The following PAWR variants were observed in gnomAD, a reference collection of about 807,000 sequenced individuals.
PAWR encodes the protein PRKC apoptosis WT1 regulator protein.
Under a neutral mutation model 32.0 loss-of-function variants are expected in PAWR, and 23 were observed. The observed-to-expected ratio is 0.72, with a 90% CI of 0.52 to 1.02. The LOEUF is 1.02. Among genes scored for constraint, PAWR ranks in the 50% least tolerant of loss-of-function variants. PAWR has a pLI of 0.00. For missense variants in PAWR, 457 were observed against 437.7 expected (o/e 1.04, Z -0.39); for synonymous variants, 226 against 187.1 (o/e 1.21, Z -1.70).
chr12:79,634,441 T>G (rs1875862032), intron 2 of PAWR, among the ~76,000 whole-genome samples: 1 of 152,144 alleles, frequency 6.6e-6, no homozygotes. Flanking sequence ...CAGTATCTCA[T>G]AATTCTCACA....
At chr12:79,657,010 T>A (rs1389735715) in intron 2 of PAWR, among the ~76,000 whole-genome samples, 1 of 152,122 alleles carries the variant, frequency 6.6e-6, no homozygotes, top group Non-Finnish European at 1.5e-5. Context: ...CTCTGTAATC[T>A]AAGTATTGAA....
chr12:79,683,634 A>G (rs1386026984), intron 2 of PAWR, among the ~76,000 whole-genome samples: 1 of 151,098 alleles, frequency 6.6e-6, no homozygotes, highest in Non-Finnish European at 1.5e-5. Context: ...CTCTGAATCA[A>G]TGTTCCCAAA....
At chr12:79,679,114 A>C (rs1473389142) in intron 2 of PAWR, among the ~76,000 whole-genome samples, 1 of 152,056 alleles carries the variant, frequency 6.6e-6, no homozygotes, top group Non-Finnish European at 1.5e-5. Flanking sequence ...TCTCCATCAT[A>C]GTTGTTATTA....
intron 2 of PAWR, among the ~76,000 whole-genome samples, chr12:79,642,231 A>G (rs1308529814): frequency 2.0e-5 from 3 of 152,218 alleles, no homozygotes; most frequent in African/African-American, 7.2e-5. Flanking sequence ...CTTGAAAGCT[A>G]TTATACTTTC....
At chr12:79,596,476 A>G in intron 5 of PAWR, 35 bp downstream of exon 5, 1 of 1,059,318 alleles carries the variant, frequency 9.4e-7, no homozygotes, top group South Asian at 1.6e-5. Flanking sequence ...ATGGTATATT[A>G]ATTTTATCAA....
intron 2 of PAWR, among the ~76,000 whole-genome samples, chr12:79,662,489 G>T (rs919070927): frequency 1.3e-5 from 2 of 152,084 alleles, no homozygotes; most frequent in Admixed American, 1.3e-4. Flanking sequence ...TACTGTATGA[G>T]GAAATCTAGA....
At chr12:79,611,050 A>G (rs1458418797) in intron 4 of PAWR, among the ~76,000 whole-genome samples, 1 of 150,162 alleles carries the variant, frequency 6.7e-6, no homozygotes. Context: ...TAAGTATTTA[A>G]TTCATAATTT....
chr12:79,619,217 CCA>C (rs1200715621), intron 3 of PAWR, among the ~76,000 whole-genome samples: 1 of 152,132 alleles, frequency 6.6e-6, no homozygotes, highest in African/African-American at 2.4e-5. Flanking sequence ...TAAAATGTAA[CCA>C]CAGTGTCTAT....
chr12:79,667,786 T>G (rs1351327074), intron 2 of PAWR, among the ~76,000 whole-genome samples: 2 of 152,132 alleles, frequency 1.3e-5, no homozygotes, highest in Admixed American at 6.6e-5. Flanking sequence ...CAATAAAAAT[T>G]GGAGGAAATC....
intron 2 of PAWR, among the ~76,000 whole-genome samples, chr12:79,621,646 C>G (rs1231557493): frequency 2.0e-5 from 3 of 151,910 alleles, no homozygotes; most frequent in Non-Finnish European, 4.4e-5. Context: ...CAGTTTCTAG[C>G]TTTATATTCT....
chr12:79,616,335 C>T (rs970568316), intron 3 of PAWR, among the ~76,000 whole-genome samples: 2 of 151,982 alleles, frequency 1.3e-5, no homozygotes, highest in Non-Finnish European at 2.9e-5. Flanking sequence ...GCCCAGATTG[C>T]CTTTTACTGA....
In PAWR at chr12:79,641,717, T is replaced by C. The variant is rs374294312; in HGVS notation, c.517-20510A>G. On this transcript the variant is annotated intron_variant, in intron 2 of 6. Coordinates refer to ENST00000328827, the MANE Select transcript of PAWR (RefSeq NM_002583.4). ...CAAAACTTAGCTGGGCGTAGTGGCA[T>C]GTTCCTGTAATCCCAGCTTCTTGGG... 7.9e-5 allele frequency among the ~76,000 whole-genome samples: 12 copies of C among 151,726 alleles called. 1 individual carries two copies. Among genetic ancestry groups the C allele is most frequent in the Admixed American group, 4.6e-4 (7 of 15,214 alleles).
rs189118315 is a variant in PAWR, at chr12:79,628,735, G to A, written c.517-7528C>T. Reference sequence around the variant, plus strand: ...AGAACATCCAAAATGGTCAATACATGAATAAATATAAGAAACTGTTATTTC... The same window carrying A: ...AGAACATCCAAAATGGTCAATACATAAATAAATATAAGAAACTGTTATTTC... On this transcript the variant is annotated intron_variant, in intron 2 of 6. Transcript: ENST00000328827. 4.9e-3 allele frequency among the ~76,000 whole-genome samples: 739 copies of A among 152,154 alleles called. 7 individuals carry two copies. The highest frequency in any genetic ancestry group is 0.017 in the African/African-American group (702 of 41,532).
intron 2 of PAWR, among the ~76,000 whole-genome samples, chr12:79,636,419 T>TA (rs1477118615): frequency 3.3e-5 from 5 of 152,110 alleles, no homozygotes; most frequent in African/African-American, 1.2e-4. Flanking sequence ...GGGGTAAACC[T>TA]AAGCACATAA....
At chr12:79,617,520 A>C (rs985156386) in intron 3 of PAWR, among the ~76,000 whole-genome samples, 1 of 152,152 alleles carries the variant, frequency 6.6e-6, no homozygotes, top group Non-Finnish European at 1.5e-5. Flanking sequence ...CAAAAAGAGA[A>C]AACTGGGCAT....
chr12:79,610,031 C>G (rs977093587), intron 4 of PAWR, among the ~76,000 whole-genome samples: 2 of 152,196 alleles, frequency 1.3e-5, no homozygotes, highest in African/African-American at 2.4e-5. Flanking sequence ...TGTGCTCCCC[C>G]TCCCACGAGG....
intron 2 of PAWR, 23 bp from the exon 3 acceptor site, chr12:79,621,230 A>G: frequency 1.9e-6 from 3 of 1,565,076 alleles, no homozygotes; most frequent in South Asian, 1.2e-5. Context: ...AAGAGTTTCC[A>G]TTTTATTTCT....
At chr12:79,611,164 ATCTTAT>A (rs1874418254) in intron 4 of PAWR, among the ~76,000 whole-genome samples, 1 of 146,782 alleles carries the variant, frequency 6.8e-6, no homozygotes, top group Non-Finnish European at 1.5e-5. Flanking sequence ...ATTTATATAA[ATCTTAT>A]AGATATTTAT....
intron 2 of PAWR, among the ~76,000 whole-genome samples, chr12:79,630,515 C>T (rs1291399284): frequency 2.0e-5 from 3 of 152,248 alleles, no homozygotes; most frequent in Middle Eastern, 3.4e-3. Flanking sequence ...GTTGCCCAGG[C>T]TGGTCTTGAA....
Sources: gnomAD v4.1 joint callset for allele counts (sites outside exome capture counted in the v4.1 genomes callset) on GRCh38, gnomAD v4.1.1 for gene constraint, MANE v1.5 for transcripts, NCBI Gene and HGNC (gene_info 2026-07-23, HGNC 2026-07-21) for gene names.